Variants in CSMD2 observed in about 807,000 individuals in gnomAD.
The protein encoded by CSMD2 is CUB and sushi domain-containing protein 2.
A neutral mutation model predicts 398.5 loss-of-function variants in CSMD2; 130 were observed. The ratio of observed to expected loss-of-function variants is 0.33; its 90% confidence interval spans 0.28 to 0.38. The LOEUF (loss-of-function observed/expected upper bound fraction) is 0.38. Among genes scored for constraint, CSMD2 ranks in the 10% least tolerant of loss-of-function variants. The pLI, the probability that CSMD2 is intolerant of heterozygous loss-of-function variation, is 1.00. For synonymous variants in CSMD2, 1,828 were observed against 1,908.5 expected (o/e 0.96, Z 1.10); for missense variants, 3,829 against 4,764.9 (o/e 0.80, Z 5.78).
At chr1:34,017,507 A>T (rs1648291866) in intron 3 of CSMD2, among the ~76,000 whole-genome samples, 1 of 152,220 alleles carries the variant, frequency 6.6e-6, no homozygotes, top group East Asian at 1.9e-4. Flanking sequence ...CTGTAATCCC[A>T]GCATTTTGGG....
intron 25 of CSMD2, among the ~76,000 whole-genome samples, chr1:33,689,370 C>G (rs190391533): frequency 6.6e-6 from 1 of 152,308 alleles, no homozygotes; most frequent in African/African-American, 2.4e-5. Context: ...CTGATGTTAT[C>G]TTTACCTTCT....
At chr1:33,661,662 T>C (rs1290134480) in intron 26 of CSMD2, among the ~76,000 whole-genome samples, 1 of 152,200 alleles carries the variant, frequency 6.6e-6, no homozygotes, top group African/African-American at 2.4e-5. Flanking sequence ...TGCATGAGTG[T>C]TAAATGGACA....
chr1:33,704,237 ATTGT>A (rs143760136), intron 22 of CSMD2, among the ~76,000 whole-genome samples: 1,989 of 151,960 alleles, frequency 0.013, 31 homozygotes, highest in Middle Eastern at 0.031. Flanking sequence ...TTATTAGTTG[ATTGT>A]TTTGTATTTT....
chr1:33,803,542 C>T (rs577391414), intron 10 of CSMD2, among the ~76,000 whole-genome samples: 2 of 152,260 alleles, frequency 1.3e-5, no homozygotes, highest in African/African-American at 2.4e-5. Context: ...AAATATAGGC[C>T]GAGTACCTAC....
Position 33,533,034 on chromosome 1 carries a change from G to C in CSMD2, c.10171+16C>G. On this transcript the variant is annotated intron_variant, in intron 64 of 70. Transcript: ENST00000373381. The surrounding 1 kb of genome is among the most constrained non-coding windows in gnomAD (Gnocchi z 4.2). ...GCCTCCCGCCCTGGAGAGCTTCCCC[G>C]AGCAGGCACACTCACCCAGGCAGAT... 1.3e-6 allele frequency: 2 copies of C among 1,590,564 alleles called. No individual in the cohort carries two copies. The highest frequency in any genetic ancestry group is 3.4e-5 in the Admixed American group (2 of 58,730).
intron 57 of CSMD2, among the ~76,000 whole-genome samples, chr1:33,543,102 C>T (rs1042235667): frequency 6.6e-6 from 1 of 152,174 alleles, no homozygotes; most frequent in Non-Finnish European, 1.5e-5. Context: ...GAGCAAATTC[C>T]AGTTTTTTAC....
rs1557432949 is a variant in CSMD2, at chr1:34,150,084, TTTTTTG to T, written c.187+14821_187+14826del. ...AATCTACATTTTTCTTCTTTCTTTT[TTTTTTG>T]TTTTTTTTTGAGACAGGGTCTTGCT... On this transcript the variant is annotated intron_variant, in intron 1 of 70. Coordinates refer to ENST00000373381, the MANE Select transcript of CSMD2 (RefSeq NM_001281956.2). Among the ~76,000 whole-genome samples, 12 of 139,058 alleles carry T rather than the reference TTTTTTG, an allele frequency of 8.6e-5. 1 individual carries two copies. The South Asian group carries it at 9.7e-4, about 11-fold the overall frequency. The allele number at this position is 139,058 out of a possible 152,430, so 91.2% of individuals were successfully genotyped here. A position where few individuals can be genotyped will look rare whatever the true frequency, so the allele number is the denominator to read the frequency against.
intron 5 of CSMD2, among the ~76,000 whole-genome samples, chr1:33,914,506 A>C (rs1412910088): frequency 1.3e-5 from 2 of 152,042 alleles, no homozygotes; most frequent in Admixed American, 1.3e-4. Flanking sequence ...AGTCAGTCCA[A>C]GCCCAGCTTT....
At chr1:33,521,828 G>A (rs1012481630) in intron 67 of CSMD2, among the ~76,000 whole-genome samples, 2 of 152,210 alleles carry the variant, frequency 1.3e-5, no homozygotes, top group Non-Finnish European at 2.9e-5. Flanking sequence ...TGTGCAAAAT[G>A]AGAATAGTAA....
At chr1:33,655,094 C>A (rs1371605415) in intron 27 of CSMD2, among the ~76,000 whole-genome samples, 2 of 152,210 alleles carry the variant, frequency 1.3e-5, no homozygotes, top group Non-Finnish European at 2.9e-5. Context: ...GTCGAGGGGT[C>A]CTTTTGAGCT....
chr1:34,148,449 C>G (rs1639984923), intron 1 of CSMD2, among the ~76,000 whole-genome samples: 1 of 152,228 alleles, frequency 6.6e-6, no homozygotes, highest in South Asian at 2.1e-4. Context: ...CGAAAGCAGT[C>G]TCCAGCATGT....
chr1:33,908,488 C>T lies in CSMD2; in HGVS notation c.920+9606G>A, dbSNP rs1403519433. Among the ~76,000 whole-genome samples, 4 of 152,376 alleles carry T rather than the reference C, an allele frequency of 2.6e-5. No homozygotes were observed. In the East Asian group the frequency reaches 5.8e-4, roughly 22 times the overall value. ...TTCACAGTCCTGGCACAGGCCGCCT[C>T]GCAGATGAGGCACTTAGTACAAACC... On this transcript the variant is annotated intron_variant, in intron 5 of 70. Coordinates refer to ENST00000373381, the MANE Select transcript of CSMD2 (RefSeq NM_001281956.2).
chr1:34,027,792 T>C (rs1649846706), intron 3 of CSMD2, among the ~76,000 whole-genome samples: 1 of 152,212 alleles, frequency 6.6e-6, no homozygotes, highest in Admixed American at 6.5e-5. Context: ...TGTGAGCAGA[T>C]AGATGTCTAA....
intron 13 of CSMD2, among the ~76,000 whole-genome samples, chr1:33,760,171 C>G (rs1649631780): frequency 6.6e-6 from 1 of 152,224 alleles, no homozygotes. Flanking sequence ...ATGACTGATT[C>G]TTGCCACACC....
chr1:33,890,614 C>T (rs1570412453), intron 5 of CSMD2, among the ~76,000 whole-genome samples: 2 of 152,102 alleles, frequency 1.3e-5, no homozygotes, highest in Admixed American at 1.3e-4. Flanking sequence ...AAGAACAAAG[C>T]TGGAGGCATC....
intron 1 of CSMD2, among the ~76,000 whole-genome samples, chr1:34,124,927 C>T (rs1483181598): frequency 6.6e-6 from 1 of 152,142 alleles, no homozygotes; most frequent in Non-Finnish European, 1.5e-5. Context: ...TCCATCAATG[C>T]CCCCTCCCCA....
chr1:33,998,375 A>C (rs1003825167), intron 3 of CSMD2, among the ~76,000 whole-genome samples: 1 of 152,160 alleles, frequency 6.6e-6, no homozygotes, highest in Non-Finnish European at 1.5e-5. Flanking sequence ...TAAATTTCCC[A>C]GTTTCAGGTA....
intron 2 of CSMD2, among the ~76,000 whole-genome samples, chr1:34,083,006 A>G (rs1366952048): frequency 6.6e-6 from 1 of 151,678 alleles, no homozygotes; most frequent in African/African-American, 2.4e-5. Context: ...CCTTCTCTCC[A>G]CTATTGTCCT....
At chr1:33,960,806 T>A (rs1043984286) in intron 3 of CSMD2, among the ~76,000 whole-genome samples, 7 of 152,216 alleles carry the variant, frequency 4.6e-5, no homozygotes, top group Non-Finnish European at 1.0e-4. Flanking sequence ...GTATATGATG[T>A]CTTTAGAAAG....
Sources: allele counts gnomAD v4.1 joint callset (sites outside exome capture counted in the v4.1 genomes callset), GRCh38; gene constraint gnomAD v4.1.1; non-coding constraint Gnocchi (gnomAD v3.1); transcripts MANE v1.5; gene names NCBI Gene and HGNC (gene_info 2026-07-23, HGNC 2026-07-21).